Variants in WNT8A observed in about 807,000 individuals in gnomAD.
The protein encoded by WNT8A is protein Wnt-8a.
WNT8A carries 14 observed loss-of-function variants against 20.5 expected under a neutral mutation model. That is an observed-to-expected ratio of 0.68 (90% CI 0.45 to 1.07). WNT8A has a LOEUF of 1.07. Ranked by LOEUF, WNT8A falls within the 50% of genes least tolerant of loss-of-function variation. The pLI is 0.00. For missense variants in WNT8A, 397 were observed against 462.9 expected, an observed-to-expected ratio of 0.86 and a Z score of 1.31; for synonymous variants, 167 against 169.2, an observed-to-expected ratio of 0.99 and a Z score of 0.10.
downstream of WNT8A, among the ~76,000 whole-genome samples, chr5:138,091,847 AT>A (rs1750867562): frequency 8.0e-5 from 4 of 49,924 alleles, no homozygotes; most frequent in African/African-American, 1.6e-4. Flanking sequence ...AAATAAATAA[AT>A]AAATAAATAA....
chr5:138,091,684 G>T, downstream of WNT8A: 1 of 396,266 alleles, frequency 2.5e-6, no homozygotes, highest in South Asian at 2.2e-5. Flanking sequence ...AAATTAGCTA[G>T]GTGTGGTGGC....
chr5:138,089,033 C>G lies in WNT8A; in HGVS notation c.528C>G (p.Ala176=). The change falls in exon 4 of 5, where the codon GCC becomes GCG. Residue 176 remains alanine (A), a synonymous_variant. Transcript: ENST00000506684. ...DSLEKGKDAR[A]LMNLHNNRAG... ...TGGAGAAGGGGAAGGATGCCAGAGC[C>G]CTGATGAATCTTCACAACAACAGGG... The G allele has an allele frequency of 6.2e-7, 1 of 1,613,724 alleles. No homozygotes were observed. The highest frequency in any genetic ancestry group is 1.3e-5 in the African/African-American group (1 of 75,006).
intron 3 of WNT8A, among the ~76,000 whole-genome samples, chr5:138,088,169 G>A (rs186770337): frequency 5.3e-5 from 8 of 152,234 alleles, no homozygotes; most frequent in Non-Finnish European, 7.4e-5. Flanking sequence ...TGAGAAAGCC[G>A]AAGAGACTTA....
In WNT8A at chr5:138,090,539, C is replaced by T; in HGVS notation, c.576C>T (p.Ala192=). Residue 192 remains alanine (A), a synonymous_variant, in exon 5 of 5, where the codon GCC becomes GCT. Coordinates refer to ENST00000506684, the MANE Select transcript of WNT8A (RefSeq NM_001300939.2). ...TTCTCTCTATGAAGGCAGTGAGAGC[C>T]ACCATGAAAAGGACATGCAAATGTC... ...NNRAGRLAVR[A]TMKRTCKCHG... 6.2e-7 allele frequency: 1 copy of T among 1,613,806 alleles called. No homozygotes were observed. Among genetic ancestry groups the T allele is most frequent in the Non-Finnish European group, 8.5e-7 (1 of 1,179,854 alleles).
upstream of WNT8A, among the ~76,000 whole-genome samples, chr5:138,082,920 TA>T (rs1227017893): frequency 4.5e-3 from 585 of 129,686 alleles, 6 homozygotes; most frequent in Middle Eastern, 0.016. Context: ...AATAAATAAA[TA>T]AAATAAAATA....
At position 138,090,545 on chromosome 5, in the gene WNT8A, GA is replaced by G. The variant is rs776154791; in HGVS notation, c.586del (p.Arg196GlyfsTer31). ...CTATGAAGGCAGTGAGAGCCACCAT[GA>G]AAAGGACATGCAAATGTCATGGCAT... ...AGRLAVRATM[K>X]RTCKCHGISG... On this transcript the variant is annotated frameshift_variant, in exon 5 of 5. Coordinates refer to ENST00000506684, the MANE Select transcript of WNT8A (RefSeq NM_001300939.2). LOFTEE classifies it low-confidence loss of function (END_TRUNC). The G allele has an allele frequency of 7.7e-5, 124 of 1,613,850 alleles. No individual in the cohort carries two copies. Among genetic ancestry groups the G allele is most frequent in the Non-Finnish European group, 1.0e-4 (118 of 1,179,946 alleles).
chr5:138,092,022 C>T (rs1750873155), downstream of WNT8A: 1 of 152,130 alleles, frequency 6.6e-6, no homozygotes, highest in Non-Finnish European at 1.5e-5. Flanking sequence ...TGACTATGAC[C>T]TACCCAGACA....
At chr5:138,088,876 T>C in intron 3 of WNT8A, 51 bp from the exon 4 acceptor site, 1 of 1,595,842 alleles carries the variant, frequency 6.3e-7, no homozygotes. Context: ...GGCGGGTGAC[T>C]GGGACTGAGC....
chr5:138,091,048 A>T lies in WNT8A; in HGVS notation c.1085A>T (p.Gln362Leu), dbSNP rs756416484. ...TGCGCACGCTCCCCAGGCAGTGCCC[A>T]GTCCCTGGGTAAGGGCAGTGCCTGA... is the stretch of plus-strand genomic sequence containing the variant. ...YYCARSPGSA[Q>L]SLGKGSA is the part of the protein sequence containing the mutation. Residue 362 changes from glutamine to leucine, a missense_variant, in exon 5 of 5, where the codon CAG becomes CTG. By Grantham distance (113) the Gln-to-Leu change is moderately radical. Transcript: ENST00000506684. 6.2e-7 allele frequency: 1 copy of T among 1,612,804 alleles called. No individual in the cohort carries two copies. Among genetic ancestry groups the T allele is most frequent in the African/African-American group, 1.3e-5 (1 of 74,912 alleles).
At chr5:138,082,924 A>AAAT (rs1750547080), upstream of WNT8A, among the ~76,000 whole-genome samples, 1 of 148,846 alleles carries the variant, frequency 6.7e-6, no homozygotes, top group East Asian at 1.9e-4. Context: ...AATAAATAAA[A>AAAT]TAAAATAAAA....
At chr5:138,087,372 T>A (rs1300534297) in intron 2 of WNT8A, among the ~76,000 whole-genome samples, 1 of 109,176 alleles carries the variant, frequency 9.2e-6, no homozygotes. Flanking sequence ...AACAAAAAAA[T>A]GACCAGCCAC....
At chr5:138,081,005 G>A (rs550360718), upstream of WNT8A, among the ~76,000 whole-genome samples, 4 of 152,204 alleles carry the variant, frequency 2.6e-5, 1 homozygote, top group South Asian at 6.2e-4. Flanking sequence ...ACTTTGGGAG[G>A]CCGAGACGGG....
chr5:138,081,051 C>T (rs931938192), upstream of WNT8A, among the ~76,000 whole-genome samples: 3 of 151,996 alleles, frequency 2.0e-5, no homozygotes, highest in East Asian at 1.9e-4. Flanking sequence ...ACCATCCTGG[C>T]GAACACAGTG....
upstream of WNT8A, among the ~76,000 whole-genome samples, chr5:138,081,076 C>T (rs1317450262): frequency 1.3e-5 from 2 of 151,892 alleles, no homozygotes; most frequent in African/African-American, 4.8e-5. Context: ...CCTGTCTCTA[C>T]TAAAAATTCA....
upstream of WNT8A, among the ~76,000 whole-genome samples, chr5:138,082,350 C>T (rs750784283): frequency 1.3e-5 from 2 of 151,398 alleles, no homozygotes; most frequent in African/African-American, 2.4e-5. Flanking sequence ...AGGCCAAAGG[C>T]GTGTGGATCA....
chr5:138,091,598 C>G (rs1290964290), downstream of WNT8A: 6 of 892,672 alleles, frequency 6.7e-6, no homozygotes, highest in East Asian at 1.9e-4. Flanking sequence ...TTTTTATCCC[C>G]CAAGTATGCA....
At chr5:138,088,242 T>TAGC (rs1750734575) in intron 3 of WNT8A, among the ~76,000 whole-genome samples, 1 of 152,158 alleles carries the variant, frequency 6.6e-6, no homozygotes, top group African/African-American at 2.4e-5. Flanking sequence ...ACTCAGCAAT[T>TAGC]TACAGATTAC....
At chr5:138,079,536 GC>G (rs1750450529), upstream of WNT8A, among the ~76,000 whole-genome samples, 1 of 151,808 alleles carries the variant, frequency 6.6e-6, no homozygotes, top group Admixed American at 6.6e-5. Context: ...TTGGCAGTTT[GC>G]AATTCACTAT....
intron 2 of WNT8A, among the ~76,000 whole-genome samples, chr5:138,087,352 C>A (rs1310557923): frequency 1.6e-5 from 2 of 127,226 alleles, no homozygotes; most frequent in Admixed American, 7.9e-5. Context: ...TGTCTCAAAA[C>A]AAAAACAAAA....
Sources: allele counts gnomAD v4.1 joint callset (sites outside exome capture counted in the v4.1 genomes callset), GRCh38; gene constraint gnomAD v4.1.1; transcripts MANE v1.5; gene names NCBI Gene and HGNC (gene_info 2026-07-23, HGNC 2026-07-21).